CTNNA3: variants seen among roughly 807,000 people sequenced by gnomAD.
CTNNA3 encodes catenin alpha 3.
A neutral mutation model predicts 95.7 loss-of-function variants in CTNNA3; 76 were observed. That is an observed-to-expected ratio of 0.79 (90% CI 0.66 to 0.96). The LOEUF (loss-of-function observed/expected upper bound fraction) is 0.96. Ranked by LOEUF, CTNNA3 falls within the 40% of genes least tolerant of loss-of-function variation. The probability of loss-of-function intolerance (pLI) is 0.00; values close to 1 mark genes in which losing one functional copy is unlikely to be tolerated. For synonymous variants in CTNNA3, 431 were observed against 374.4 expected (o/e 1.15, Z -1.74); for missense variants, 1,191 against 1,089.8 (o/e 1.09, Z -1.31).
intron 13 of CTNNA3, among the ~76,000 whole-genome samples, chr10:66,214,818 C>T (rs1462013909): frequency 1.3e-5 from 2 of 151,944 alleles, no homozygotes; most frequent in African/African-American, 2.4e-5. Context: ...GGCATAATCC[C>T]CATTGAAAAA....
At chr10:66,994,788 A>T (rs1851238003) in intron 7 of CTNNA3, among the ~76,000 whole-genome samples, 1 of 152,202 alleles carries the variant, frequency 6.6e-6, no homozygotes, top group Non-Finnish European at 1.5e-5. Context: ...TCTAATAATT[A>T]TTGTGAAGAA....
intron 2 of CTNNA3, among the ~76,000 whole-genome samples, chr10:67,639,044 C>G (rs979090292): frequency 6.6e-6 from 1 of 152,024 alleles, no homozygotes; most frequent in Non-Finnish European, 1.5e-5. Context: ...CATAAAAAAC[C>G]CTTCAAAAAA....
intron 11 of CTNNA3, among the ~76,000 whole-genome samples, chr10:66,497,917 T>C (rs1306692434): frequency 2.6e-5 from 4 of 152,124 alleles, no homozygotes; most frequent in South Asian, 2.1e-4. Flanking sequence ...CCACTAGCGA[T>C]TGGATTGTCC....
intron 5 of CTNNA3, among the ~76,000 whole-genome samples, chr10:67,247,166 C>T (rs960043757): frequency 3.3e-5 from 5 of 151,954 alleles, no homozygotes; most frequent in Non-Finnish European, 7.4e-5. Context: ...TTAAGAAAGC[C>T]AAAGAAATAA....
chr10:66,028,380 T>C (rs375056696), intron 15 of CTNNA3, among the ~76,000 whole-genome samples: 16 of 152,026 alleles, frequency 1.1e-4, no homozygotes, highest in African/African-American at 3.4e-4. Flanking sequence ...ATTAAGAAAA[T>C]GTGGCACATA....
chr10:66,782,467 A>C (rs934175853), intron 7 of CTNNA3, among the ~76,000 whole-genome samples: 14 of 151,926 alleles, frequency 9.2e-5, no homozygotes, highest in Admixed American at 4.6e-4. Context: ...TCTCTGTATC[A>C]CCTTTTCTGA....
chr10:66,375,881 A>G (rs890887906), intron 12 of CTNNA3, among the ~76,000 whole-genome samples: 4 of 152,162 alleles, frequency 2.6e-5, no homozygotes, highest in African/African-American at 9.7e-5. Context: ...AGAAGGTGGG[A>G]ATTCTGGATA....
chr10:66,853,658 C>T (rs1317479832), intron 7 of CTNNA3, among the ~76,000 whole-genome samples: 1 of 151,982 alleles, frequency 6.6e-6, no homozygotes, highest in Non-Finnish European at 1.5e-5. Context: ...ATATCTAAAG[C>T]AAACAGAATA....
chr10:67,454,896 A>C (rs1317365754), intron 5 of CTNNA3, among the ~76,000 whole-genome samples: 1 of 152,172 alleles, frequency 6.6e-6, no homozygotes, highest in East Asian at 1.9e-4. Context: ...CAGTTTAGAG[A>C]ATTACAAAAT....
At chr10:67,160,900 A>T (rs1342816166) in intron 7 of CTNNA3, among the ~76,000 whole-genome samples, 2 of 152,230 alleles carry the variant, frequency 1.3e-5, no homozygotes, top group Non-Finnish European at 2.9e-5. Context: ...ATTCTTGAGA[A>T]CATTATGCTA....
chr10:67,715,900 G>T (rs1426826707), intron 1 of CTNNA3, among the ~76,000 whole-genome samples: 1 of 152,052 alleles, frequency 6.6e-6, no homozygotes, highest in African/African-American at 2.4e-5. Flanking sequence ...TGCAGATTTA[G>T]TTCTTCTCAA....
At position 66,973,871 on chromosome 10, in the gene CTNNA3, C is replaced by T. The variant is rs147212256; in HGVS notation, c.1048-198347G>A. Among the ~76,000 whole-genome samples, 198 of 152,270 alleles carry T rather than the reference C, an allele frequency of 1.3e-3. 1 individual carries two copies. Among genetic ancestry groups the T allele is most frequent in the African/African-American group, 4.3e-3 (178 of 41,542 alleles). ...ACTCCTGACCTCAAGATTTATCCCC[C>T]TCGGCCTCCCAAAGTGCTGGGATTA... On this transcript the variant is annotated intron_variant, in intron 7 of 17. Coordinates refer to ENST00000433211, the MANE Select transcript of CTNNA3 (RefSeq NM_013266.4).
chr10:66,433,101 A>G (rs183072364), intron 11 of CTNNA3, among the ~76,000 whole-genome samples: 5 of 152,208 alleles, frequency 3.3e-5, no homozygotes, highest in Non-Finnish European at 7.3e-5. Flanking sequence ...TAGTACTGCA[A>G]TAAAAATATG....
intron 13 of CTNNA3, among the ~76,000 whole-genome samples, chr10:66,226,609 A>G (rs375978064): frequency 6.9e-6 from 1 of 145,484 alleles, no homozygotes; most frequent in South Asian, 2.1e-4. Context: ...CTAAGTTTGG[A>G]TGGAAATTGC....
intron 5 of CTNNA3, among the ~76,000 whole-genome samples, chr10:67,287,140 C>T (rs1001672182): frequency 7.9e-5 from 12 of 152,048 alleles, no homozygotes; most frequent in African/African-American, 2.9e-4. Flanking sequence ...GAGTTCGAGA[C>T]CAGCCTGGAC....
intron 7 of CTNNA3, among the ~76,000 whole-genome samples, chr10:66,993,023 C>A (rs912098810): frequency 6.6e-6 from 1 of 152,020 alleles, no homozygotes; most frequent in African/African-American, 2.4e-5. Context: ...TCTAAAAAAT[C>A]ATTATTTTCC....
At chr10:66,988,297 T>A (rs1366172280) in intron 7 of CTNNA3, among the ~76,000 whole-genome samples, 1 of 152,200 alleles carries the variant, frequency 6.6e-6, no homozygotes, top group Non-Finnish European at 1.5e-5. Flanking sequence ...AAGTTTTCTG[T>A]TTGTTTGAAT....
chr10:66,694,565 C>A (rs1847685960), intron 9 of CTNNA3, among the ~76,000 whole-genome samples: 1 of 152,150 alleles, frequency 6.6e-6, no homozygotes, highest in African/African-American at 2.4e-5. Context: ...CCTTCTGAAA[C>A]TATTCCAATC....
intron 5 of CTNNA3, among the ~76,000 whole-genome samples, chr10:67,359,944 G>T (rs1172682256): frequency 6.6e-6 from 1 of 151,998 alleles, no homozygotes; most frequent in African/African-American, 2.4e-5. Flanking sequence ...CAAAAAGGTA[G>T]CTAGAAAAAA....
Sources: allele counts gnomAD v4.1 joint callset (sites outside exome capture counted in the v4.1 genomes callset), GRCh38; gene constraint gnomAD v4.1.1; transcripts MANE v1.5; gene names NCBI Gene and HGNC (gene_info 2026-07-23, HGNC 2026-07-21).